MED16: variants seen among roughly 807,000 people sequenced by gnomAD.
The protein encoded by MED16 is mediator complex subunit 16.
Under a neutral mutation model 84.4 loss-of-function variants are expected in MED16, and 81 were observed. The observed-to-expected ratio is 0.96, with a 90% confidence interval of 0.80 to 1.15. The LOEUF is 1.15. MED16 is among the 50% of genes most tolerant of loss of function. MED16 has a pLI of 0.00. For synonymous variants in MED16, 897 were observed against 552.2 expected, an observed-to-expected ratio of 1.62 and a Z score of -8.76; for missense variants, 1,585 against 1,245.9, an observed-to-expected ratio of 1.27 and a Z score of -4.10.
chr19:875,578 G>A (rs1360840045), intron 9 of MED16, 124 bp from the exon 10 acceptor site: 16 of 725,170 alleles, frequency 2.2e-5, no homozygotes, highest in African/African-American at 8.9e-5. Context: ...AAGCTGCTTC[G>A]CCTCTGCACC....
chr19:888,524 C>CAAA (rs34583289), intron 4 of MED16, among the ~76,000 whole-genome samples: 1 of 96,956 alleles, frequency 1.0e-5, no homozygotes, highest in Non-Finnish European at 2.1e-5. Context: ...ACTCTGTCTC[C>CAAA]AAAAAAAAAA....
chr19:872,210 G>A (rs1361488784), intron 11 of MED16, 92 bp from the exon 12 acceptor site: 8 of 1,046,614 alleles, frequency 7.6e-6, no homozygotes, highest in African/African-American at 4.8e-5. Context: ...CCCGACCGGG[G>A]GGCAATGGGC....
chr19:891,205 G>A (rs887303535), intron 1 of MED16, 56 bp from the exon 2 acceptor site: 13 of 1,511,914 alleles, frequency 8.6e-6, no homozygotes, highest in Admixed American at 5.7e-5. Context: ...CAGGGCATGT[G>A]GAGTGCCAGG....
At chr19:869,826 C>T (rs912454830) in intron 13 of MED16, among the ~76,000 whole-genome samples, 21 of 152,210 alleles carry the variant, frequency 1.4e-4, no homozygotes, top group Admixed American at 2.6e-4. Context: ...CCTTGTCAAA[C>T]GTGTGTCTGA....
intron 4 of MED16, among the ~76,000 whole-genome samples, chr19:888,439 G>A (rs536858150): frequency 3.3e-5 from 5 of 150,290 alleles, no homozygotes; most frequent in Admixed American, 2.0e-4. Context: ...CAGGAGAATC[G>A]CTTGAACCCA....
intron 6 of MED16, 117 bp downstream of exon 6, chr19:884,786 C>A (rs1238790170): frequency 1.3e-6 from 1 of 741,426 alleles, no homozygotes; most frequent in African/African-American, 1.7e-5. Context: ...GCGAGACGAT[C>A]GCTTAGGGCC....
rs760147614 is a variant in MED16 at position 880,022 on chromosome 19, C to T, written c.1268G>A (p.Arg423His). ...PVDEPAMKRP[R>H]TAGPAVHLKA... ...TAAGTGGACGGCGGGGCCCGCGGTG[C>T]GGGGGCGCTTCATGGCCGGCTCATC... The change falls in exon 8 of 16, where the codon CGC (arginine) becomes CAC (histidine). Residue 423 changes from arginine (R) to histidine (H), a missense_variant. Coordinates refer to ENST00000325464, the MANE Select transcript of MED16 (RefSeq NM_005481.3). 1.1e-5 allele frequency: 17 copies of T among 1,610,542 alleles called. No individual in the cohort carries two copies. Among genetic ancestry groups the T allele is most frequent in the Middle Eastern group, 3.3e-4 (2 of 5,996 alleles).
At position 868,151 on chromosome 19, in the gene MED16, G is replaced by C. The variant is rs1486882322; in HGVS notation, c.2584C>G (p.Pro862Ala). The change falls in exon 16 of 16, where the codon CCC becomes GCC. Residue 862 changes from proline (P) to alanine (A), a missense_variant. Coordinates refer to ENST00000325464, the MANE Select transcript of MED16 (RefSeq NM_005481.3). ...QLGPQSTHHS[P>A]RTPRSLDHLH... ...TGGTCCAGGGATCTGGGGGTCCTGG[G>C]AGAGTGGTGTGTGGACTGCGGGCCC... 3.1e-6 allele frequency: 5 copies of C among 1,611,870 alleles called. No homozygotes were observed. The highest frequency in any genetic ancestry group is 1.3e-5 in the African/African-American group (1 of 75,048).
rs200225868 is a variant in MED16 at position 875,429 on chromosome 19, A to G, written c.1586T>C (p.Met529Thr). The change falls in exon 10 of 16, where the codon ATG (methionine) becomes ACG (threonine). Residue 529 changes from methionine (M) to threonine (T), a missense_variant. Physicochemically the swap from Met to Thr is moderately conservative, Grantham distance 81 (BLOSUM62 -1). Transcript: ENST00000325464. ...QQVLSTRILA[M>T]KASLCKLSPC... ...CGACAGCTTGCAGAGCGAGGCCTTCATGGCCAGGATCCGGGTGGAGAGGAC... is the reference window on the plus strand; with the variant it reads ...CGACAGCTTGCAGAGCGAGGCCTTCGTGGCCAGGATCCGGGTGGAGAGGAC... The G allele has an allele frequency of 3.4e-5, 55 of 1,604,448 alleles. No homozygotes were observed. Among genetic ancestry groups the G allele is most frequent in the Non-Finnish European group, 4.5e-5 (53 of 1,179,648 alleles).
At position 868,734 on chromosome 19, in the gene MED16, C is replaced by A. The variant is rs867495617; in HGVS notation, c.2399+129G>T. 48 of 1,146,936 alleles carry A rather than the reference C, an allele frequency of 4.2e-5. No individual in the cohort carries two copies. The Middle Eastern group carries it at 1.5e-3, about 37-fold the overall frequency. The allele number at this position is 1,146,936 out of a possible 1,614,324, so 71.0% of individuals were successfully genotyped here. A position where few individuals can be genotyped will look rare whatever the true frequency, so the allele number is the denominator to read the frequency against. ...GCTCCACATCCTGGGATCCTGGCTC[C>A]AACACTCCCTCTGGGACGTGCTCCC... On this transcript the variant is annotated intron_variant, in intron 14 of 15. Coordinates refer to ENST00000325464, the MANE Select transcript of MED16 (RefSeq NM_005481.3).
intron 13 of MED16, among the ~76,000 whole-genome samples, chr19:870,181 G>A (rs900958674): frequency 1.4e-4 from 22 of 152,300 alleles, no homozygotes; most frequent in South Asian, 4.1e-4. Flanking sequence ...GATCTACGGC[G>A]AGGCCTGACA....
intron 7 of MED16, among the ~76,000 whole-genome samples, chr19:880,900 G>A (rs2036407408): frequency 6.6e-6 from 1 of 151,570 alleles, no homozygotes; most frequent in South Asian, 2.1e-4. Flanking sequence ...ACTCCAGCCT[G>A]GGCAACAGAA....
intron 8 of MED16, among the ~76,000 whole-genome samples, chr19:878,507 G>A (rs2036322950): frequency 2.3e-5 from 3 of 130,314 alleles, no homozygotes; most frequent in South Asian, 2.6e-4. Flanking sequence ...ACCAGCCCCA[G>A]CCCCACGTGC....
intron 13 of MED16, among the ~76,000 whole-genome samples, chr19:869,851 C>G (rs1485785971): frequency 6.6e-6 from 1 of 152,208 alleles, no homozygotes; most frequent in Non-Finnish European, 1.5e-5. Context: ...GGCTGGGGGT[C>G]TGACGGGCCT....
Position 880,023 on chromosome 19 carries a change from G to T in MED16, c.1267C>A (p.Arg423Ser). ...AAGTGGACGGCGGGGCCCGCGGTGC[G>T]GGGGCGCTTCATGGCCGGCTCATCC... ...PVDEPAMKRPRTAGPAVHLKA... is the reference protein window; with the variant it reads ...PVDEPAMKRPSTAGPAVHLKA... Residue 423 changes from arginine (R) to serine (S), a missense_variant, in exon 8 of 16, where the codon CGC (arginine) becomes AGC (serine). Transcript: ENST00000325464. 3 of 1,610,614 alleles carry T rather than the reference G, an allele frequency of 1.9e-6. No homozygotes were observed. The highest frequency in any genetic ancestry group is 2.5e-6 in the Non-Finnish European group (3 of 1,179,000).
At chr19:872,986 G>A (rs1395534865) in intron 11 of MED16, 1 of 208,818 alleles carries the variant, frequency 4.8e-6, no homozygotes, top group Non-Finnish European at 8.2e-6. Context: ...CCGAGGTGGG[G>A]GAGGGCTCCG....
chr19:886,395 G>A (rs1036856771), intron 4 of MED16, among the ~76,000 whole-genome samples, 194 bp from the exon 5 acceptor site: 1 of 152,254 alleles, frequency 6.6e-6, no homozygotes, highest in Non-Finnish European at 1.5e-5. Flanking sequence ...TCTGTAAGGT[G>A]GAAGGAACGG....
intron 10 of MED16, among the ~76,000 whole-genome samples, chr19:873,785 C>T (rs903314141): frequency 5.3e-5 from 8 of 152,128 alleles, no homozygotes; most frequent in Non-Finnish European, 7.4e-5. Context: ...CCCCGGGGGC[C>T]GCTGTGCTCA....
At chr19:889,436 G>A (rs1181810298) in intron 4 of MED16, among the ~76,000 whole-genome samples, 1 of 152,086 alleles carries the variant, frequency 6.6e-6, no homozygotes, top group Non-Finnish European at 1.5e-5. Context: ...CTGCAGGTGG[G>A]GGCCAAGTGA....
Sources: gnomAD v4.1 joint callset for allele counts (sites outside exome capture counted in the v4.1 genomes callset) on GRCh38, gnomAD v4.1.1 for gene constraint, MANE v1.5 for transcripts, NCBI Gene and HGNC (gene_info 2026-07-23, HGNC 2026-07-21) for gene names.